ADAM2: variants seen among roughly 807,000 people sequenced by gnomAD.
ADAM2 encodes the protein ADAM metallopeptidase domain 2, also known as disintegrin and metalloproteinase domain-containing protein 2.
ADAM2 carries 101 observed loss-of-function variants against 99.3 expected under a neutral mutation model. The observed-to-expected ratio is 1.02, with a 90% confidence interval of 0.87 to 1.20. ADAM2 has a LOEUF of 1.20. Among genes scored for constraint, ADAM2 ranks in the 50% most tolerant of loss-of-function variants. ADAM2 has a pLI of 0.00. For synonymous variants in ADAM2, 323 were observed against 287.6 expected, an observed-to-expected ratio of 1.12 and a Z score of -1.25; for missense variants, 948 against 878.7, an observed-to-expected ratio of 1.08 and a Z score of -1.00.
At position 39,793,630 on chromosome 8, in the gene ADAM2, A is replaced by C. The variant is rs111715910; in HGVS notation, c.571-4890T>G. The stretch of plus-strand genomic sequence containing the variant: ...ATAAGAACTCAAAGTCTTTTGCATA[A>C]GAGTAGGTAAAATGATCAGGGCAAA... On this transcript the variant is annotated intron_variant, in intron 7 of 20. Coordinates refer to ENST00000265708, the MANE Select transcript of ADAM2 (RefSeq NM_001464.5). Among the ~76,000 whole-genome samples the C allele has an allele frequency of 6.0e-3, 907 of 152,262 alleles. 5 individuals are homozygous for C. Among genetic ancestry groups the C allele is most frequent in the Non-Finnish European group, 1.0e-2 (677 of 68,000 alleles).
intron 15 of ADAM2, among the ~76,000 whole-genome samples, chr8:39,759,412 A>G (rs968576376): frequency 3.3e-5 from 5 of 152,194 alleles, no homozygotes; most frequent in Non-Finnish European, 7.4e-5. Context: ...GAACTCTAAA[A>G]ATACATTAGG....
chr8:39,748,902 T>G (rs1283791400), intron 18 of ADAM2, among the ~76,000 whole-genome samples: 1 of 152,134 alleles, frequency 6.6e-6, no homozygotes, highest in Non-Finnish European at 1.5e-5. Context: ...CATAGTTATA[T>G]ATCATGCTAA....
At chr8:39,832,945 T>C (rs1281222282) in intron 3 of ADAM2, among the ~76,000 whole-genome samples, 2 of 152,194 alleles carry the variant, frequency 1.3e-5, no homozygotes, top group East Asian at 1.9e-4. Flanking sequence ...TCTACTGTTA[T>C]GCTTACATTT....
intron 3 of ADAM2, among the ~76,000 whole-genome samples, chr8:39,827,740 G>A (rs1805467477): frequency 6.6e-6 from 1 of 152,064 alleles, no homozygotes. Flanking sequence ...GTGGGAAAAT[G>A]GGAGATGATG....
At chr8:39,808,122 T>C (rs555623406) in intron 7 of ADAM2, among the ~76,000 whole-genome samples, 6 of 151,376 alleles carry the variant, frequency 4.0e-5, no homozygotes, top group Admixed American at 4.0e-4. Context: ...AGGCTTCACA[T>C]TGGAAAGGCT....
At position 39,817,181 on chromosome 8, in the gene ADAM2, A is replaced by G. The variant is rs569990265; in HGVS notation, c.513+3821T>C. The stretch of plus-strand genomic sequence containing the variant: ...AAGAAAGAATAAAGGAATAAGGAAC[A>G]TATAAGACAAATAAGAAATGACAAA... On this transcript the variant is annotated intron_variant, in intron 6 of 20. Coordinates refer to ENST00000265708, the MANE Select transcript of ADAM2 (RefSeq NM_001464.5). 2.0e-5 allele frequency among the ~76,000 whole-genome samples: 3 copies of G among 152,314 alleles called. No homozygotes were observed. In the East Asian group the frequency reaches 5.8e-4, roughly 29 times the overall value.
intron 4 of ADAM2, among the ~76,000 whole-genome samples, chr8:39,823,684 C>A (rs924486109): frequency 6.6e-6 from 1 of 151,926 alleles, no homozygotes; most frequent in Non-Finnish European, 1.5e-5. Context: ...TCTGTCCTCT[C>A]TCTCATGCAT....
chr8:39,788,331 A>G, intron 8 of ADAM2, 80 bp from the exon 9 acceptor site: 1 of 888,510 alleles, frequency 1.1e-6, no homozygotes. Flanking sequence ...AAACAAATTT[A>G]TGATAAATAT....
intron 6 of ADAM2, among the ~76,000 whole-genome samples, chr8:39,818,831 T>C (rs1005827747): frequency 1.8e-4 from 27 of 151,840 alleles, no homozygotes; most frequent in African/African-American, 5.8e-4. Context: ...CTTCTATAAA[T>C]AACAAAAGAA....
Position 39,788,738 on chromosome 8 carries a change from ATACTGTAAAATATTAT to A in ADAM2, c.571-14_572del. On this transcript the variant is annotated splice_acceptor_variant and splice_polypyrimidine_tract_variant and coding_sequence_variant and intron_variant, in exon 8 of 21. Transcript: ENST00000265708. LOFTEE classifies it high-confidence loss of function. Reference sequence around the variant, plus strand: ...CAGTTGTATCAGACCCCATATGATTATACTGTAAAATATTATTACATTTTAGATATAAATATATATT... The same window carrying A: ...CAGTTGTATCAGACCCCATATGATTATACATTTTAGATATAAATATATATT... 1 of 1,475,252 alleles carries A rather than the reference ATACTGTAAAATATTAT, an allele frequency of 6.8e-7. No individual in the cohort carries two copies. Among genetic ancestry groups the A allele is most frequent in the Non-Finnish European group, 9.2e-7 (1 of 1,089,144 alleles). 91.4% of individuals were successfully genotyped at this position (1,475,252 alleles called of 1,614,324 possible).
rs376103452 is a variant in ADAM2, at chr8:39,787,000, C to T, written c.865G>A (p.Ala289Thr). 3 of 1,591,884 alleles carry T rather than the reference C, an allele frequency of 1.9e-6. No homozygotes were observed. Among genetic ancestry groups the T allele is most frequent in the African/African-American group, 2.7e-5 (2 of 74,082 alleles). ...AGAACAACACCTCCTGCATAGTTTGCATCACACATCTTCCCTTGAAAGGTT... is the reference window on the plus strand; with the variant it reads ...AGAACAACACCTCCTGCATAGTTTGTATCACACATCTTCCCTTGAAAGGTT... ...GATFQGKMCD[A>T]NYAGGVVLHP... The change falls in exon 10 of 21, where the codon GCA (alanine) becomes ACA (threonine). Residue 289 changes from alanine to threonine, a missense_variant. By Grantham distance (58) the Ala-to-Thr change is moderately conservative. Coordinates refer to ENST00000265708, the MANE Select transcript of ADAM2 (RefSeq NM_001464.5).
At chr8:39,772,381 G>T (rs908249202) in intron 11 of ADAM2, among the ~76,000 whole-genome samples, 3 of 151,958 alleles carry the variant, frequency 2.0e-5, no homozygotes, top group Admixed American at 1.3e-4. Context: ...GTTCTAGGAG[G>T]TAATGAGATA....
intron 11 of ADAM2, 70 bp downstream of exon 11, chr8:39,776,955 C>G: frequency 9.9e-7 from 1 of 1,014,562 alleles, no homozygotes; most frequent in Non-Finnish European, 1.5e-6. Flanking sequence ...ACAACTTAAA[C>G]TTTCTTCAAC....
chr8:39,772,231 C>CTT (rs5891069), intron 11 of ADAM2, among the ~76,000 whole-genome samples: 10 of 150,666 alleles, frequency 6.6e-5, no homozygotes, highest in African/African-American at 2.4e-4. Flanking sequence ...TATTCTCTCA[C>CTT]TTTTTTTTTA....
chr8:39,786,527 A>T (rs187430075), intron 10 of ADAM2, among the ~76,000 whole-genome samples: 2 of 152,264 alleles, frequency 1.3e-5, no homozygotes, highest in Non-Finnish European at 2.9e-5. Context: ...AATTAATGTC[A>T]ATTAGGACAT....
At chr8:39,785,999 C>T (rs1204015634) in intron 10 of ADAM2, among the ~76,000 whole-genome samples, 1 of 152,066 alleles carries the variant, frequency 6.6e-6, no homozygotes, top group East Asian at 1.9e-4. Context: ...GAATCATAGC[C>T]TTTGCAGCAA....
At chr8:39,785,145 G>A (rs1803409668) in intron 10 of ADAM2, among the ~76,000 whole-genome samples, 1 of 152,188 alleles carries the variant, frequency 6.6e-6, no homozygotes, top group Non-Finnish European at 1.5e-5. Context: ...CCAGAATGGT[G>A]TTTCCTAGGT....
rs377755123 is a variant in ADAM2, at chr8:39,821,007, C to A, written c.508G>T (p.Val170Leu). 2 of 1,583,782 alleles carry A rather than the reference C, an allele frequency of 1.3e-6. No homozygotes were observed. The highest frequency in any genetic ancestry group is 1.7e-5 in the Admixed American group (1 of 57,160). Reference protein sequence around the residue: ...SRDLSFKLQSVEPQQDFAKYI... With the variant: ...SRDLSFKLQSLEPQQDFAKYI... The stretch of plus-strand genomic sequence containing the variant: ...TTGTTCAATTAATCACCTACCTCTA[C>A]GCTTTGTAATTTAAAGGACAGATCT... The change falls in exon 6 of 21, where the codon GTA becomes TTA. Residue 170 changes from valine (V) to leucine (L), a missense_variant. Coordinates refer to ENST00000265708, the MANE Select transcript of ADAM2 (RefSeq NM_001464.5).
intron 2 of ADAM2, among the ~76,000 whole-genome samples, chr8:39,835,827 A>T (rs931369781): frequency 5.9e-5 from 9 of 152,032 alleles, no homozygotes; most frequent in Non-Finnish European, 1.2e-4. Flanking sequence ...AGTTTGTTTT[A>T]AAAATACTGT....
Sources: allele counts gnomAD v4.1 joint callset (sites outside exome capture counted in the v4.1 genomes callset), GRCh38; gene constraint gnomAD v4.1.1; transcripts MANE v1.5; gene names NCBI Gene and HGNC (gene_info 2026-07-23, HGNC 2026-07-21).